The following FERRY3 variants were observed in gnomAD, a reference collection of about 807,000 sequenced individuals.
FERRY3 encodes FERRY endosomal RAB5 effector complex subunit 3.
chr12:4,529,986 TG>T, the FERRY3 span: 1 of 1,613,624 alleles, frequency 6.2e-7, no homozygotes, highest in Non-Finnish European at 8.5e-7. Context: ...AATTAAGTCA[TG>T]GTACACATCT....
chr12:4,534,333 G>A, the FERRY3 span: 9 of 1,563,752 alleles, frequency 5.8e-6, no homozygotes, highest in South Asian at 9.5e-5. Flanking sequence ...ACCATCGTCA[G>A]CAAAATCCAG....
chr12:4,536,425 T>G, the FERRY3 span, among the ~76,000 whole-genome samples: 2 of 152,002 alleles, frequency 1.3e-5, no homozygotes, highest in Non-Finnish European at 2.9e-5. Context: ...ACACTTTGTT[T>G]TAAACTTGAT....
At chr12:4,512,323 T>C in the FERRY3 span, among the ~76,000 whole-genome samples, 2 of 151,628 alleles carry the variant, frequency 1.3e-5, no homozygotes, top group African/African-American at 2.4e-5. Context: ...AAGGAGGAAC[T>C]GGTACCATTC....
the FERRY3 span, chr12:4,517,145 G>A: frequency 3.5e-5 from 55 of 1,589,862 alleles, no homozygotes; most frequent in Non-Finnish European, 4.2e-5. Context: ...TCTTCAATTC[G>A]GGGGAAATGG....
the FERRY3 span, among the ~76,000 whole-genome samples, chr12:4,513,522 C>T: frequency 6.6e-6 from 1 of 150,482 alleles, no homozygotes; most frequent in East Asian, 2.0e-4. Context: ...ACCAAAACAG[C>T]ATGGTACTGG....
At chr12:4,497,053 C>A in the FERRY3 span, among the ~76,000 whole-genome samples, 1 of 152,152 alleles carries the variant, frequency 6.6e-6, no homozygotes, top group Non-Finnish European at 1.5e-5. Context: ...CAAGCTAATT[C>A]TCAACAGAAA....
At chr12:4,510,050 AG>A in the FERRY3 span, among the ~76,000 whole-genome samples, 2 of 139,254 alleles carry the variant, frequency 1.4e-5, no homozygotes, top group Admixed American at 1.4e-4. Context: ...AAGTGCTTAA[AG>A]GAGCTGATGG....
At chr12:4,502,112 C>G in the FERRY3 span, among the ~76,000 whole-genome samples, 5 of 152,230 alleles carry the variant, frequency 3.3e-5, no homozygotes, top group African/African-American at 9.6e-5. This position sits in a 1 kb window ranked among gnomAD's most constrained non-coding sequence, Gnocchi z 4.2. Context: ...GTCACCTCCT[C>G]AGAAAGGTCT....
chr12:4,495,427 T>C, the FERRY3 span, among the ~76,000 whole-genome samples: 3 of 152,180 alleles, frequency 2.0e-5, no homozygotes, highest in Admixed American at 6.5e-5. Flanking sequence ...TTTCTTATAA[T>C]CCAGAATTTA....
At chr12:4,500,940 C>T in the FERRY3 span, among the ~76,000 whole-genome samples, 19 of 152,308 alleles carry the variant, frequency 1.2e-4, no homozygotes, top group East Asian at 1.5e-3. Context: ...CGTGGGCCAC[C>T]GTGCCCAGCC....
At chr12:4,491,516 G>A in the FERRY3 span, among the ~76,000 whole-genome samples, 4 of 152,020 alleles carry the variant, frequency 2.6e-5, no homozygotes, top group Non-Finnish European at 5.9e-5. Context: ...AAATATAAAT[G>A]ACATAGGAAC....
chr12:4,535,929 A>T, the FERRY3 span: 1 of 1,113,198 alleles, frequency 9.0e-7, no homozygotes, highest in Non-Finnish European at 1.2e-6. This position sits in a 1 kb window ranked among gnomAD's most constrained non-coding sequence, Gnocchi z 4.0. Flanking sequence ...AAAGCTTCTT[A>T]GGTTTATGCT....
the FERRY3 span, among the ~76,000 whole-genome samples, chr12:4,511,017 T>C: frequency 4.0e-4 from 60 of 150,352 alleles, no homozygotes; most frequent in African/African-American, 1.4e-3. Flanking sequence ...GAGACACACA[T>C]AGGCTCAAAA....
At chr12:4,525,074 C>T in the FERRY3 span, 1 of 670,460 alleles carries the variant, frequency 1.5e-6, no homozygotes, top group African/African-American at 1.8e-5. Context: ...AACCATTGCC[C>T]CCCAAATAAT....
the FERRY3 span, among the ~76,000 whole-genome samples, chr12:4,498,089 T>G: frequency 6.6e-6 from 1 of 152,346 alleles, no homozygotes; most frequent in African/African-American, 2.4e-5. Flanking sequence ...AAACTTAATG[T>G]TCTGCAGCTG....
At chr12:4,536,729 A>G in the FERRY3 span, among the ~76,000 whole-genome samples, 2 of 152,166 alleles carry the variant, frequency 1.3e-5, no homozygotes, top group African/African-American at 4.8e-5. Context: ...GAAAAGAGAG[A>G]GTACAGGACC....
At chr12:4,521,762 T>C in the FERRY3 span, among the ~76,000 whole-genome samples, 8 of 152,210 alleles carry the variant, frequency 5.3e-5, no homozygotes, top group African/African-American at 1.9e-4. Flanking sequence ...GGTGGATATA[T>C]GTCATATACA....
chr12:4,518,769 C>G, the FERRY3 span: 2 of 1,504,510 alleles, frequency 1.3e-6, no homozygotes, highest in Non-Finnish European at 1.8e-6. Flanking sequence ...AATTAACACA[C>G]TTACCTAAGT....
the FERRY3 span, chr12:4,529,997 T>G: frequency 6.2e-7 from 1 of 1,613,310 alleles, no homozygotes; most frequent in Non-Finnish European, 8.5e-7. Flanking sequence ...GGTACACATC[T>G]GCAAAATCTT....
Sources: allele counts gnomAD v4.1 joint callset (sites outside exome capture counted in the v4.1 genomes callset), GRCh38; gene constraint gnomAD v4.1.1; non-coding constraint Gnocchi (gnomAD v3.1); transcripts MANE v1.5; gene names NCBI Gene and HGNC (gene_info 2026-07-23, HGNC 2026-07-21).